The following TNFRSF10A variants were observed in gnomAD, a reference collection of about 807,000 sequenced individuals.
TNFRSF10A encodes tumor necrosis factor receptor superfamily member 10A.
Under a neutral mutation model 42.8 loss-of-function variants are expected in TNFRSF10A, and 44 were observed. That is an observed-to-expected ratio of 1.03 (90% CI 0.81 to 1.32). The LOEUF (loss-of-function observed/expected upper bound fraction) is 1.32. Ranked by LOEUF, TNFRSF10A falls within the 40% of genes most tolerant of loss-of-function variation. The pLI is 0.00. For synonymous variants in TNFRSF10A, 259 were observed against 234.2 expected, an observed-to-expected ratio of 1.11 and a Z score of -0.97; for missense variants, 680 against 602.0, an observed-to-expected ratio of 1.13 and a Z score of -1.36.
chr8:23,206,513 T>C (rs970532901), intron 2 of TNFRSF10A, among the ~76,000 whole-genome samples: 1 of 152,244 alleles, frequency 6.6e-6, no homozygotes, highest in Non-Finnish European at 1.5e-5. Flanking sequence ...AATTGTCTAC[T>C]AGTACAGGTT....
At position 23,208,548 on chromosome 8, in the gene TNFRSF10A, T is replaced by C. The variant is rs544431373; in HGVS notation, c.403+3568A>G. Among the ~76,000 whole-genome samples, 439 of 152,242 alleles carry C rather than the reference T, an allele frequency of 2.9e-3. 2 individuals are homozygous for C. Among genetic ancestry groups the C allele is most frequent in the African/African-American group, 0.01 (428 of 41,548 alleles). On this transcript the variant is annotated intron_variant, in intron 2 of 9. Coordinates refer to ENST00000221132, the MANE Select transcript of TNFRSF10A (RefSeq NM_003844.4). ...CTCGGCTCACTGCAAGTCCGCCTCCTGGGTTCACACCATTCTCCTGCCTCA... is the reference window on the plus strand; with the variant it reads ...CTCGGCTCACTGCAAGTCCGCCTCCCGGGTTCACACCATTCTCCTGCCTCA...
At chr8:23,193,157 T>C (rs1228198135) in intron 9 of TNFRSF10A, among the ~76,000 whole-genome samples, 2 of 152,206 alleles carry the variant, frequency 1.3e-5, no homozygotes, top group African/African-American at 4.8e-5. Context: ...GTGACTGGCT[T>C]TCTGTGCAGC....
chr8:23,222,156 C>T (rs1180023270), intron 1 of TNFRSF10A, among the ~76,000 whole-genome samples: 2 of 152,156 alleles, frequency 1.3e-5, no homozygotes, highest in African/African-American at 2.4e-5. Flanking sequence ...GGATTACAGG[C>T]GTTAGCCACC....
chr8:23,199,026 C>T (rs1239253408), intron 8 of TNFRSF10A, among the ~76,000 whole-genome samples: 1 of 152,212 alleles, frequency 6.6e-6, no homozygotes. Context: ...CCCTGTGACC[C>T]CCACTCTATT....
chr8:23,196,546 CA>C (rs1306402147), intron 9 of TNFRSF10A, among the ~76,000 whole-genome samples: 1 of 152,128 alleles, frequency 6.6e-6, no homozygotes, highest in Non-Finnish European at 1.5e-5. Flanking sequence ...TTTAGTCCAT[CA>C]GGGGACATGA....
At position 23,212,141 on chromosome 8, in the gene TNFRSF10A, G is replaced by C; in HGVS notation, c.378C>G (p.Ser126Arg). The C allele has an allele frequency of 6.2e-7, 1 of 1,613,766 alleles. No individual in the cohort carries two copies. The highest frequency in any genetic ancestry group is 8.5e-7 in the Non-Finnish European group (1 of 1,179,782). ...CTGGTGGACACAACTCTCCCAAAGG[G>C]CTATGTTCCCATTGCTGTGTGCCAA... The part of the protein sequence containing the change: ...QSIGTQQWEH[S>R]PLGELCPPGS... Residue 126 changes from serine to arginine, a missense_variant, in exon 2 of 10, where the codon AGC (serine) becomes AGG (arginine). Coordinates refer to ENST00000221132, the MANE Select transcript of TNFRSF10A (RefSeq NM_003844.4).
rs541936742 is a variant in TNFRSF10A at position 23,210,636 on chromosome 8, C to T, written c.403+1480G>A. 1.8e-4 allele frequency among the ~76,000 whole-genome samples: 27 copies of T among 152,162 alleles called. No homozygotes were observed. In the South Asian group the frequency reaches 2.5e-3, roughly 14 times the overall value. On this transcript the variant is annotated intron_variant, in intron 2 of 9. Transcript: ENST00000221132. ...GGCAGAGCTTGCAGTGAGCCGAGAT[C>T]GCGCCACTGCACTCCAGCCTGGGCA...
chr8:23,191,784 A>C lies in TNFRSF10A; in HGVS notation c.1317T>G (p.His439Gln), dbSNP rs1028788152. The C allele has an allele frequency of 1.2e-6, 2 of 1,614,094 alleles. No homozygotes were observed. The highest frequency in any genetic ancestry group is 2.7e-5 in the African/African-American group (2 of 75,002). ...LDALERMEER[H>Q]AREKIQDLLV... is the part of the protein sequence containing the mutation. ...AGAGGTCCTGAATCTTCTCTCTTGC[A>C]TGTCTCTCTTCCATCCTCTCCAAGG... The change falls in exon 10 of 10, where the codon CAT becomes CAG. Residue 439 changes from histidine to glutamine, a missense_variant. His to Gln is a conservative substitution (Grantham distance 24). Transcript: ENST00000221132.
At chr8:23,204,638 A>C (rs1165067261) in intron 2 of TNFRSF10A, among the ~76,000 whole-genome samples, 7 of 152,202 alleles carry the variant, frequency 4.6e-5, no homozygotes, top group African/African-American at 1.4e-4. Flanking sequence ...TCTCCAAAAT[A>C]AACCATATGC....
At chr8:23,200,826 G>A in intron 4 of TNFRSF10A, 66 bp from the exon 5 acceptor site, 3 of 1,429,942 alleles carry the variant, frequency 2.1e-6, no homozygotes, top group Non-Finnish European at 9.8e-7. Context: ...GGATGAAAGA[G>A]GAGCCACTCT....
At chr8:23,214,169 T>G (rs1252434956) in intron 1 of TNFRSF10A, among the ~76,000 whole-genome samples, 1 of 152,138 alleles carries the variant, frequency 6.6e-6, no homozygotes, top group Non-Finnish European at 1.5e-5. Flanking sequence ...TTTCATTTAT[T>G]TTTTTACCCA....
intron 2 of TNFRSF10A, among the ~76,000 whole-genome samples, chr8:23,206,427 C>T (rs1468999090): frequency 6.6e-6 from 1 of 152,156 alleles, no homozygotes; most frequent in African/African-American, 2.4e-5. Context: ...TCTTTTTTAA[C>T]CTTTTATACC....
intron 9 of TNFRSF10A, among the ~76,000 whole-genome samples, chr8:23,194,345 AATCCTTACTAAACAAGT>A (rs1212509115): frequency 1.3e-5 from 2 of 152,252 alleles, no homozygotes; most frequent in African/African-American, 4.8e-5. Flanking sequence ...GACTTAAGTA[AATCCTTACTAAACAAGT>A]CAGCTTTAAA....
chr8:23,209,809 T>G (rs183469385), intron 2 of TNFRSF10A, among the ~76,000 whole-genome samples: 1 of 152,344 alleles, frequency 6.6e-6, no homozygotes, highest in East Asian at 1.9e-4. Context: ...GACGGTGAAC[T>G]TCCGAGCTAA....
At chr8:23,213,392 T>C (rs2128850535) in intron 1 of TNFRSF10A, among the ~76,000 whole-genome samples, 1 of 151,364 alleles carries the variant, frequency 6.6e-6, no homozygotes, top group Non-Finnish European at 1.5e-5. Context: ...CTATTTCTGT[T>C]ATCTCTGATC....
Position 23,190,463 on chromosome 8 carries a change from T to C in TNFRSF10A, c.*1231A>G, listed in dbSNP as rs1380868336. On this transcript the variant is annotated 3_prime_UTR_variant, in exon 10 of 10. Transcript: ENST00000221132. ...AATTCTTTTCTTTCTTTTAACCAAA[T>C]CTTTGCATAGGTACCAAATAACACA... 6.6e-6 allele frequency: 1 copy of C among 152,174 alleles called. No individual in the cohort carries two copies. Among genetic ancestry groups the C allele is most frequent in the Non-Finnish European group, 1.5e-5 (1 of 68,032 alleles). The allele number at this position is 152,174 out of a possible 1,614,324, so 9.4% of individuals were successfully genotyped here. A position where few individuals can be genotyped will look rare whatever the true frequency, so the allele number is the denominator to read the frequency against.
At chr8:23,215,570 C>A (rs1801166789) in intron 1 of TNFRSF10A, among the ~76,000 whole-genome samples, 1 of 151,994 alleles carries the variant, frequency 6.6e-6, no homozygotes, top group South Asian at 2.1e-4. Flanking sequence ...CAATGAATTC[C>A]AATTCATAGA....
intron 1 of TNFRSF10A, among the ~76,000 whole-genome samples, chr8:23,223,461 C>T (rs183236954): frequency 6.6e-6 from 1 of 152,212 alleles, no homozygotes; most frequent in African/African-American, 2.4e-5. Flanking sequence ...AGCCCTACAT[C>T]CACCTGGAAT....
chr8:23,200,829 G>T, intron 4 of TNFRSF10A, 69 bp from the exon 5 acceptor site: 1 of 1,412,640 alleles, frequency 7.1e-7, no homozygotes, highest in African/African-American at 1.4e-5. Flanking sequence ...TGAAAGAGGA[G>T]CCACTCTCCC....
Sources: allele counts gnomAD v4.1 joint callset (sites outside exome capture counted in the v4.1 genomes callset), GRCh38; gene constraint gnomAD v4.1.1; transcripts MANE v1.5; gene names NCBI Gene and HGNC (gene_info 2026-07-23, HGNC 2026-07-21).